The following TCF4 variants were observed in gnomAD, a reference collection of about 807,000 sequenced individuals.
TCF4 encodes transcription factor 4, also known as SL3-3 enhancer factor 2.
A neutral mutation model predicts 82.1 loss-of-function variants in TCF4; 3 were observed. That is an observed-to-expected ratio of 0.04 (90% CI 0.02 to 0.09). The LOEUF (loss-of-function observed/expected upper bound fraction) is 0.09, where lower values mean the gene tolerates loss of function less well. TCF4 is among the 10% of genes least tolerant of loss of function. The pLI, the probability that TCF4 is intolerant of heterozygous loss-of-function variation, is 1.00. For synonymous variants in TCF4, 276 were observed against 309.6 expected, an observed-to-expected ratio of 0.89 and a Z score of 1.14; for missense variants, 518 against 852.7, an observed-to-expected ratio of 0.61 and a Z score of 4.89.
chr18:55,468,925 G>A (rs930764135), intron 3 of TCF4, among the ~76,000 whole-genome samples: 5 of 144,916 alleles, frequency 3.5e-5, no homozygotes, highest in Admixed American at 7.1e-5. Context: ...TCCAAGATGG[G>A]AGAATAAAGA....
chr18:55,399,174 T>C (rs1209220053), intron 6 of TCF4, among the ~76,000 whole-genome samples: 1 of 152,220 alleles, frequency 6.6e-6, no homozygotes, highest in African/African-American at 2.4e-5. Flanking sequence ...TCATTTGTAA[T>C]ACCTATTGAA....
At chr18:55,411,819 C>A (rs1412013840) in intron 5 of TCF4, among the ~76,000 whole-genome samples, 3 of 152,120 alleles carry the variant, frequency 2.0e-5, no homozygotes, top group Non-Finnish European at 4.4e-5. Flanking sequence ...CAGCTCACTG[C>A]AACCTCCATC....
chr18:55,582,182 C>T (rs553216498), intron 3 of TCF4, among the ~76,000 whole-genome samples: 1 of 152,060 alleles, frequency 6.6e-6, no homozygotes. Context: ...AAATTATAGA[C>T]TCTTTAGATG....
At chr18:55,477,525 CTG>C (rs1185819731) in intron 3 of TCF4, among the ~76,000 whole-genome samples, 1 of 152,196 alleles carries the variant, frequency 6.6e-6, no homozygotes, top group Non-Finnish European at 1.5e-5. Flanking sequence ...GAAAACAAAA[CTG>C]TGAGTCTCCC....
chr18:55,574,923 T>C (rs889991733), intron 3 of TCF4, among the ~76,000 whole-genome samples: 2 of 151,958 alleles, frequency 1.3e-5, no homozygotes, highest in African/African-American at 4.8e-5. Context: ...ACTGAAAAAA[T>C]AATAAGAACA....
In TCF4 at chr18:55,572,922, A is replaced by G. The variant is rs2097488471; in HGVS notation, c.145+12358T>C. On this transcript the variant is annotated intron_variant, in intron 3 of 19. Transcript: ENST00000354452. ...TACAAAATTAGCCAGGTGTGGTGGC[A>G]CATGCTTGTAATTTCAACTACTGGG... Among the ~76,000 whole-genome samples the G allele has an allele frequency of 1.3e-5, 2 of 152,026 alleles. 1 individual carries two copies. Among genetic ancestry groups the G allele is most frequent in the Admixed American group, 1.3e-4 (2 of 15,278 alleles).
chr18:55,603,265 A>C (rs2097699031), intron 2 of TCF4, among the ~76,000 whole-genome samples: 1 of 152,116 alleles, frequency 6.6e-6, no homozygotes. Flanking sequence ...GCAACCAAAA[A>C]TGCTCCCAGA....
chr18:55,609,016 A>G (rs943319337), intron 2 of TCF4, among the ~76,000 whole-genome samples: 21 of 152,222 alleles, frequency 1.4e-4, no homozygotes, highest in Admixed American at 1.0e-3. Context: ...AGAGGAAGAG[A>G]CACAGGCTCT....
intron 2 of TCF4, among the ~76,000 whole-genome samples, chr18:55,624,943 CAAT>C (rs1294813919): frequency 1.3e-5 from 2 of 152,132 alleles, no homozygotes; most frequent in African/African-American, 4.8e-5. Flanking sequence ...AGTCCTCACT[CAAT>C]AATGTCTTGG....
intron 15 of TCF4, among the ~76,000 whole-genome samples, chr18:55,236,586 T>C (rs772809674): frequency 2.0e-4 from 30 of 152,170 alleles, no homozygotes; most frequent in Non-Finnish European, 3.8e-4. Context: ...CACTCTCTTA[T>C]ATATTTTAAT....
intron 6 of TCF4, chr18:55,401,110 C>T: frequency 1.6e-6 from 2 of 1,288,896 alleles, no homozygotes; most frequent in South Asian, 1.2e-5. Context: ...ATGTTGTAGA[C>T]AGGGATTCAA....
intron 3 of TCF4, among the ~76,000 whole-genome samples, chr18:55,488,178 TC>T (rs2096537489): frequency 6.6e-6 from 1 of 152,184 alleles, no homozygotes; most frequent in Non-Finnish European, 1.5e-5. Context: ...AAATCCTTAC[TC>T]CCTGGGTTTT....
chr18:55,458,652 CTT>C (rs1164862629), intron 5 of TCF4, among the ~76,000 whole-genome samples: 1 of 152,128 alleles, frequency 6.6e-6, no homozygotes. Context: ...CAATGAGAAT[CTT>C]TGTTCCCCGA....
intron 2 of TCF4, among the ~76,000 whole-genome samples, chr18:55,628,844 C>T (rs1254194779): frequency 6.6e-6 from 1 of 152,132 alleles, no homozygotes; most frequent in South Asian, 2.1e-4. Flanking sequence ...GGCTGACAAA[C>T]GGACATCACT....
chr18:55,534,059 T>C (rs2097093927), intron 3 of TCF4, among the ~76,000 whole-genome samples: 2 of 152,210 alleles, frequency 1.3e-5, no homozygotes. Flanking sequence ...ACATGAAATG[T>C]ATTTTATGTT....
intron 3 of TCF4, among the ~76,000 whole-genome samples, chr18:55,513,369 C>CA: frequency 7.0e-6 from 1 of 142,094 alleles, no homozygotes; most frequent in East Asian, 2.0e-4. Flanking sequence ...TAGCCCTCAG[C>CA]TTTTTTTTTT....
intron 6 of TCF4, among the ~76,000 whole-genome samples, chr18:55,385,692 C>T (rs73492947): frequency 0.061 from 9,239 of 152,204 alleles, 477 homozygotes; most frequent in African/African-American, 0.14. Context: ...TGAGCCACCG[C>T]GGCCAGGTAA....
intron 6 of TCF4, among the ~76,000 whole-genome samples, chr18:55,351,524 A>T (rs562590043): frequency 1.3e-5 from 2 of 152,088 alleles, no homozygotes; most frequent in East Asian, 3.9e-4. Flanking sequence ...GAAAATGCCA[A>T]CTGAACCAAG....
intron 3 of TCF4, among the ~76,000 whole-genome samples, chr18:55,536,608 G>A (rs918178026): frequency 6.6e-6 from 1 of 152,148 alleles, no homozygotes; most frequent in Admixed American, 6.5e-5. Flanking sequence ...CAACATATAA[G>A]ACATATGACA....
Sources: allele counts gnomAD v4.1 joint callset (sites outside exome capture counted in the v4.1 genomes callset), GRCh38; gene constraint gnomAD v4.1.1; transcripts MANE v1.5; gene names NCBI Gene and HGNC (gene_info 2026-07-23, HGNC 2026-07-21).